Variants in MICU3 observed in about 807,000 individuals in gnomAD.
MICU3 encodes mitochondrial calcium uptake 3, also known as calcium uptake protein 3, mitochondrial.
Under a neutral mutation model 66.5 loss-of-function variants are expected in MICU3, and 62 were observed. The observed-to-expected ratio is 0.93, with a 90% CI of 0.76 to 1.15. The LOEUF (loss-of-function observed/expected upper bound fraction) is 1.15. MICU3 is among the 50% of genes most tolerant of loss of function. The probability of loss-of-function intolerance (pLI) is 0.00; values close to 1 mark genes in which losing one functional copy is unlikely to be tolerated. For missense variants in MICU3, 779 were observed against 664.4 expected (o/e 1.17, Z -1.90); for synonymous variants, 308 against 240.7 (o/e 1.28, Z -2.59).
intron 1 of MICU3, among the ~76,000 whole-genome samples, chr8:17,051,703 C>G (rs1488956121): frequency 6.6e-6 from 1 of 152,116 alleles, no homozygotes; most frequent in Non-Finnish European, 1.5e-5. Flanking sequence ...TGAGAAGTGA[C>G]CTTTGGATTT....
chr8:17,096,519 G>A (rs2150784643), intron 8 of MICU3, among the ~76,000 whole-genome samples: 1 of 151,942 alleles, frequency 6.6e-6, no homozygotes, highest in African/African-American at 2.4e-5. Flanking sequence ...GCATATCACT[G>A]ATTTATTAGC....
chr8:17,123,433 A>AT (rs201666461), downstream of MICU3, among the ~76,000 whole-genome samples: 389 of 151,474 alleles, frequency 2.6e-3, 1 homozygote, highest in African/African-American at 8.7e-3. Flanking sequence ...ATGAGGATAG[A>AT]TTTTTTTTTA....
chr8:17,080,838 G>A (rs1821080051), intron 4 of MICU3, among the ~76,000 whole-genome samples: 1 of 152,044 alleles, frequency 6.6e-6, no homozygotes, highest in Non-Finnish European at 1.5e-5. Flanking sequence ...GAGTTTTAAA[G>A]TTCACAATCT....
At chr8:17,112,383 C>T (rs1802285240) in intron 11 of MICU3, among the ~76,000 whole-genome samples, 1 of 152,034 alleles carries the variant, frequency 6.6e-6, no homozygotes, top group Admixed American at 6.6e-5. Flanking sequence ...TGGTTTATTC[C>T]AGTAGTGATT....
intron 1 of MICU3, among the ~76,000 whole-genome samples, chr8:17,055,418 A>G (rs1289523465): frequency 6.6e-6 from 1 of 152,202 alleles, no homozygotes; most frequent in African/African-American, 2.4e-5. Context: ...TGATGTTGTC[A>G]CCCAAAGTTG....
At chr8:17,080,619 G>A (rs192562301) in intron 4 of MICU3, among the ~76,000 whole-genome samples, 1 of 152,086 alleles carries the variant, frequency 6.6e-6, no homozygotes, top group East Asian at 1.9e-4. Context: ...GACCATTCCA[G>A]AATCTTTCTC....
chr8:17,032,967 C>A (rs1045588425), intron 1 of MICU3, among the ~76,000 whole-genome samples: 2 of 152,140 alleles, frequency 1.3e-5, no homozygotes, highest in African/African-American at 2.4e-5. Flanking sequence ...ATGAACCGCA[C>A]CCATATAAGA....
intron 2 of MICU3, among the ~76,000 whole-genome samples, chr8:17,068,820 G>A (rs1157988255): frequency 6.6e-6 from 1 of 152,148 alleles, no homozygotes; most frequent in Non-Finnish European, 1.5e-5. Context: ...TTGCCAGGTA[G>A]AAGAAGATGT....
At chr8:17,043,153 A>G (rs1042948107) in intron 1 of MICU3, among the ~76,000 whole-genome samples, 1 of 151,496 alleles carries the variant, frequency 6.6e-6, no homozygotes, top group Non-Finnish European at 1.5e-5. Flanking sequence ...GTTAGCCAGG[A>G]TGGTCTCGAT....
chr8:17,058,733 G>A (rs1007628327), intron 1 of MICU3, among the ~76,000 whole-genome samples: 2 of 152,150 alleles, frequency 1.3e-5, no homozygotes, highest in Non-Finnish European at 2.9e-5. Flanking sequence ...AGAACTTCAT[G>A]GACTGCTCCA....
the MICU3 span, among the ~76,000 whole-genome samples, chr8:17,128,227 TGTACAC>T: frequency 1.8e-4 from 22 of 121,662 alleles, no homozygotes; most frequent in African/African-American, 7.9e-4. Flanking sequence ...CTGAGATCAG[TGTACAC>T]ACACACACAC....
chr8:17,126,632 G>T (rs958176197), downstream of MICU3, among the ~76,000 whole-genome samples: 4 of 152,162 alleles, frequency 2.6e-5, no homozygotes, highest in Non-Finnish European at 5.9e-5. Context: ...TTTAAGAAAA[G>T]CACATTTTTA....
the MICU3 span, among the ~76,000 whole-genome samples, chr8:17,138,124 C>A: frequency 6.6e-6 from 1 of 151,918 alleles, no homozygotes; most frequent in Non-Finnish European, 1.5e-5. Flanking sequence ...AGATGTCACC[C>A]ACATAGTGAT....
Position 17,110,290 on chromosome 8 carries a change from G to A in MICU3, c.1258-3803G>A, listed in dbSNP as rs116360145. ...AAATTTGTATAACAAAAAATTAACC[G>A]TTTTAAACTGAATAATTCAGTGAGA... On this transcript the variant is annotated intron_variant, in intron 11 of 14. Coordinates refer to ENST00000318063, the MANE Select transcript of MICU3 (RefSeq NM_181723.3). 9.2e-3 allele frequency among the ~76,000 whole-genome samples: 1,403 copies of A among 152,074 alleles called. 26 individuals are homozygous for A. Among genetic ancestry groups the A allele is most frequent in the African/African-American group, 0.032 (1,315 of 41,472 alleles).
chr8:17,102,910 A>G (rs1801393449), intron 9 of MICU3, among the ~76,000 whole-genome samples: 1 of 152,008 alleles, frequency 6.6e-6, no homozygotes, highest in Non-Finnish European at 1.5e-5. Flanking sequence ...GATCTACCAA[A>G]CAATGACAAG....
At position 17,027,657 on chromosome 8, in the gene MICU3, G is replaced by C. The variant is rs751040827; in HGVS notation, c.378G>C (p.Glu126Asp). ...MLPIPVAAAK[E>D]TVAIGRTDIE... Reference sequence around the variant, plus strand: ...CCATCCCAGTGGCGGCTGCCAAGGAGACGGTGAGTGCGCGAGCGCGCGTCA... The same window carrying C: ...CCATCCCAGTGGCGGCTGCCAAGGACACGGTGAGTGCGCGAGCGCGCGTCA... Residue 126 changes from glutamate (E) to aspartate (D), a missense_variant, in exon 1 of 15, where the codon GAG becomes GAC. Glu to Asp is a conservative substitution (Grantham distance 45). Transcript: ENST00000318063. 132 of 1,299,292 alleles carry C rather than the reference G, an allele frequency of 1.0e-4. 1 individual carries two copies. In the African/African-American group the frequency reaches 1.8e-3, roughly 18 times the overall value. 80.5% of individuals were successfully genotyped at this position (1,299,292 alleles called of 1,614,324 possible).
chr8:17,098,361 GT>G (rs1258532932), intron 8 of MICU3, 96 bp from the exon 9 acceptor site: 1 of 853,546 alleles, frequency 1.2e-6, no homozygotes, highest in Non-Finnish European at 2.0e-6. Flanking sequence ...AAGCTAATGT[GT>G]TTCCTTTTCA....
the MICU3 span, among the ~76,000 whole-genome samples, chr8:17,136,837 C>CTTT: frequency 2.1e-5 from 3 of 140,364 alleles, no homozygotes; most frequent in East Asian, 2.0e-4. Flanking sequence ...GGAGATAAAC[C>CTTT]TTTTTTTTTT....
downstream of MICU3, among the ~76,000 whole-genome samples, chr8:17,124,030 G>C (rs1209318320): frequency 6.7e-6 from 1 of 148,298 alleles, no homozygotes; most frequent in African/African-American, 2.5e-5. Flanking sequence ...GTTTCTTTTG[G>C]TATCTACCTT....
Sources: allele counts gnomAD v4.1 joint callset (sites outside exome capture counted in the v4.1 genomes callset), GRCh38; gene constraint gnomAD v4.1.1; transcripts MANE v1.5; gene names NCBI Gene and HGNC (gene_info 2026-07-23, HGNC 2026-07-21).